GALNT13: variants seen among roughly 807,000 people sequenced by gnomAD.
The protein encoded by GALNT13 is polypeptide N-acetylgalactosaminyltransferase 13.
Under a neutral mutation model 64.2 loss-of-function variants are expected in GALNT13, and 28 were observed. That is an observed-to-expected ratio of 0.44 (90% CI 0.32 to 0.60). The LOEUF (loss-of-function observed/expected upper bound fraction) is 0.60, where lower values mean the gene tolerates loss of function less well. Among genes scored for constraint, GALNT13 ranks in the 20% least tolerant of loss-of-function variants. The pLI is 0.05. For missense variants in GALNT13, 577 were observed against 669.8 expected, an observed-to-expected ratio of 0.86 and a Z score of 1.53; for synonymous variants, 214 against 224.6, an observed-to-expected ratio of 0.95 and a Z score of 0.42.
At chr2:153,459,693 TTCTC>T in the GALNT13 span, among the ~76,000 whole-genome samples, 1 of 152,132 alleles carries the variant, frequency 6.6e-6, no homozygotes, top group African/African-American at 2.4e-5. Flanking sequence ...CATAAGAACT[TTCTC>T]ACACAACACT....
chr2:153,696,273 G>A, the GALNT13 span, among the ~76,000 whole-genome samples: 1 of 152,136 alleles, frequency 6.6e-6, no homozygotes, highest in Non-Finnish European at 1.5e-5. Flanking sequence ...TCCAGCATGG[G>A]AGAAAGATGA....
chr2:153,765,956 G>A, the GALNT13 span, among the ~76,000 whole-genome samples: 9 of 152,172 alleles, frequency 5.9e-5, no homozygotes, highest in East Asian at 1.7e-3. Flanking sequence ...ATAATTGTGA[G>A]GCCTCCCCAA....
rs547744872 is a variant in GALNT13, at chr2:154,140,497, A to T, written c.303A>T (p.Arg101Ser). 1 of 1,604,198 alleles carries T rather than the reference A, an allele frequency of 6.2e-7. No homozygotes were observed. Among genetic ancestry groups the T allele is most frequent in the Admixed American group, 1.7e-5 (1 of 59,148 alleles). Residue 101 changes from arginine to serine, a missense_variant, in exon 4 of 13, where the codon AGA becomes AGT. By Grantham distance (110) the Arg-to-Ser change is moderately radical. Around this residue, in one of 3 missense-constraint regions of GALNT13, gnomAD observed 341 missense variants for 379.3 expected, o/e 0.90. Coordinates refer to ENST00000392825, the MANE Select transcript of GALNT13 (RefSeq NM_052917.4). ...TTAATAGAAGTCTGCCAGATGTAAG[A>T]TTAGAAGGGTAAGTTTGCATTTGTT... is the stretch of plus-strand genomic sequence containing the variant. Reference protein sequence around the residue: ...IALNRSLPDVRLEGCKTKVYP... With the variant: ...IALNRSLPDVSLEGCKTKVYP...
intron 2 of GALNT13, among the ~76,000 whole-genome samples, chr2:153,916,290 G>A (rs560478110): frequency 9.1e-4 from 138 of 151,576 alleles, no homozygotes; most frequent in Admixed American, 1.5e-3. Context: ...CTGAGTATCC[G>A]GGATGATTGG....
the GALNT13 span, among the ~76,000 whole-genome samples, chr2:153,358,913 T>G: frequency 2.0e-3 from 298 of 152,320 alleles, 1 homozygote; most frequent in African/African-American, 6.9e-3. Context: ...CTATACTTTT[T>G]AAAACATAGG....
the GALNT13 span, among the ~76,000 whole-genome samples, chr2:153,397,831 T>G: frequency 6.6e-6 from 1 of 152,074 alleles, no homozygotes. Context: ...AGAATTTCAG[T>G]TTTGGATTTT....
the GALNT13 span, among the ~76,000 whole-genome samples, chr2:153,688,899 C>T: frequency 6.6e-6 from 1 of 151,204 alleles, no homozygotes; most frequent in South Asian, 2.1e-4. Context: ...ATTGTTGTTA[C>T]CTTTCTTGAG....
the GALNT13 span, among the ~76,000 whole-genome samples, chr2:153,859,327 C>T: frequency 2.0e-5 from 3 of 152,290 alleles, no homozygotes; most frequent in East Asian, 5.8e-4. Context: ...TACTCATACA[C>T]ACAATCTGTA....
At chr2:153,239,716 A>G in the GALNT13 span, among the ~76,000 whole-genome samples, 1 of 152,084 alleles carries the variant, frequency 6.6e-6, no homozygotes, top group South Asian at 2.1e-4. Flanking sequence ...TGTATTGTTA[A>G]ATTTAGTTTG....
chr2:153,448,700 C>G, the GALNT13 span, among the ~76,000 whole-genome samples: 1 of 151,982 alleles, frequency 6.6e-6, no homozygotes, highest in African/African-American at 2.4e-5. Flanking sequence ...CCTATTCTAC[C>G]TCTCCCCCTT....
chr2:153,343,333 A>G, the GALNT13 span, among the ~76,000 whole-genome samples: 8 of 152,308 alleles, frequency 5.3e-5, no homozygotes, highest in South Asian at 1.7e-3. Flanking sequence ...ATATTATTGA[A>G]CAATGGAAGA....
chr2:153,561,167 CTT>C, the GALNT13 span, among the ~76,000 whole-genome samples: 30 of 124,768 alleles, frequency 2.4e-4, no homozygotes, highest in East Asian at 4.9e-3. Flanking sequence ...TTGCAGTAGA[CTT>C]TTATTGATTT....
chr2:154,168,537 G>A (rs1445478623), intron 4 of GALNT13, among the ~76,000 whole-genome samples: 3 of 151,924 alleles, frequency 2.0e-5, no homozygotes, highest in Admixed American at 1.3e-4. Flanking sequence ...TAGGTAATTT[G>A]TAAGGAAAGA....
At chr2:154,351,273 G>C (rs1696381544) in intron 9 of GALNT13, among the ~76,000 whole-genome samples, 1 of 152,070 alleles carries the variant, frequency 6.6e-6, no homozygotes, top group South Asian at 2.1e-4. Flanking sequence ...AAGGATCTCT[G>C]AGTAAAGCTG....
intron 2 of GALNT13, among the ~76,000 whole-genome samples, chr2:153,936,372 G>A (rs1267889255): frequency 6.6e-6 from 1 of 152,072 alleles, no homozygotes; most frequent in Non-Finnish European, 1.5e-5. Context: ...CTAATACCTT[G>A]ACTATCATTT....
At chr2:153,158,649 A>C in the GALNT13 span, among the ~76,000 whole-genome samples, 2 of 152,166 alleles carry the variant, frequency 1.3e-5, no homozygotes, top group African/African-American at 4.8e-5. Flanking sequence ...TGACCCATGA[A>C]AGGTATTCTA....
At chr2:153,625,300 C>T in the GALNT13 span, among the ~76,000 whole-genome samples, 1 of 152,130 alleles carries the variant, frequency 6.6e-6, no homozygotes, top group Non-Finnish European at 1.5e-5. Context: ...TAAGAAAGAG[C>T]TATGTTCAAA....
chr2:153,600,730 A>G, the GALNT13 span, among the ~76,000 whole-genome samples: 2 of 152,078 alleles, frequency 1.3e-5, no homozygotes, highest in South Asian at 4.1e-4. Context: ...AGCTATGTAA[A>G]GAATTAACTT....
intron 1 of GALNT13, among the ~76,000 whole-genome samples, chr2:153,880,554 A>G (rs1686712406): frequency 6.6e-6 from 1 of 152,114 alleles, no homozygotes; most frequent in Non-Finnish European, 1.5e-5. Flanking sequence ...GTTACTGACT[A>G]TTCTACTTTC....
Sources: allele counts gnomAD v4.1 joint callset (sites outside exome capture counted in the v4.1 genomes callset), GRCh38; gene constraint gnomAD v4.1.1; regional missense constraint gnomAD v4.1.1; transcripts MANE v1.5; gene names NCBI Gene and HGNC (gene_info 2026-07-23, HGNC 2026-07-21).